Variants in ATRNL1 observed in about 807,000 individuals in gnomAD.
ATRNL1 encodes attractin-like protein 1.
A neutral mutation model predicts 182.7 loss-of-function variants in ATRNL1; 95 were observed. The observed-to-expected ratio is 0.52, with a 90% confidence interval of 0.44 to 0.62. The LOEUF (loss-of-function observed/expected upper bound fraction) is 0.62, where lower values mean the gene tolerates loss of function less well. Among genes scored for constraint, ATRNL1 ranks in the 20% least tolerant of loss-of-function variants. The pLI is 0.00. For synonymous variants in ATRNL1, 576 were observed against 568.3 expected (o/e 1.01, Z -0.19); for missense variants, 1,471 against 1,679.5 (o/e 0.88, Z 2.17).
intron 4 of ATRNL1, 105 bp from the exon 5 acceptor site, chr10:115,129,222 T>C (rs1845115295): frequency 1.4e-6 from 1 of 734,568 alleles, no homozygotes; most frequent in African/African-American, 1.8e-5. Flanking sequence ...GTTACATTTA[T>C]AAGCACATAG....
intron 8 of ATRNL1, among the ~76,000 whole-genome samples, chr10:115,198,078 T>A (rs1433680512): frequency 1.3e-5 from 2 of 152,124 alleles, no homozygotes; most frequent in African/African-American, 4.8e-5. Context: ...TACTTTTAAT[T>A]TTTAGGAGGC....
At chr10:115,355,864 C>A (rs1203343730) in intron 19 of ATRNL1, among the ~76,000 whole-genome samples, 1 of 151,778 alleles carries the variant, frequency 6.6e-6, no homozygotes, top group Non-Finnish European at 1.5e-5. Context: ...GTAGGCTTAT[C>A]TGATTTTCTT....
intron 27 of ATRNL1, among the ~76,000 whole-genome samples, chr10:115,768,890 AT>A (rs1555075663): frequency 6.6e-6 from 1 of 152,048 alleles, no homozygotes; most frequent in East Asian, 1.9e-4. Flanking sequence ...TATATAAATT[AT>A]TTTTATTATT....
chr10:115,326,612 G>A (rs1418148129), intron 18 of ATRNL1, among the ~76,000 whole-genome samples: 2 of 151,882 alleles, frequency 1.3e-5, no homozygotes, highest in African/African-American at 4.8e-5. Context: ...CCAAAAAAGA[G>A]CCCACATCGC....
intron 21 of ATRNL1, among the ~76,000 whole-genome samples, chr10:115,445,341 G>T (rs1481838081): frequency 7.4e-6 from 1 of 134,958 alleles, no homozygotes; most frequent in Non-Finnish European, 1.5e-5. Flanking sequence ...TGAGGCACAA[G>T]AATTGCTTGA....
intron 7 of ATRNL1, among the ~76,000 whole-genome samples, chr10:115,166,365 A>AT (rs1847040757): frequency 6.6e-6 from 1 of 151,970 alleles, no homozygotes; most frequent in African/African-American, 2.4e-5. Context: ...TTCTATGAAC[A>AT]TGTGTGTACA....
At chr10:115,545,714 C>A (rs1852615897) in intron 25 of ATRNL1, among the ~76,000 whole-genome samples, 1 of 152,164 alleles carries the variant, frequency 6.6e-6, no homozygotes, top group South Asian at 2.1e-4. Context: ...TATAAAAATA[C>A]ATTTTGGTAT....
At chr10:115,340,692 C>T (rs1227214533) in intron 19 of ATRNL1, among the ~76,000 whole-genome samples, 1 of 151,412 alleles carries the variant, frequency 6.6e-6, no homozygotes, top group African/African-American at 2.4e-5. Context: ...TTTATTATAC[C>T]TTCAATAACA....
chr10:115,594,212 A>G (rs1310779096), intron 26 of ATRNL1, among the ~76,000 whole-genome samples: 3 of 152,154 alleles, frequency 2.0e-5, no homozygotes, highest in Admixed American at 1.3e-4. Flanking sequence ...TCTAAGTACT[A>G]TAATCTATAC....
chr10:115,846,951 A>G (rs1253595735), intron 27 of ATRNL1, among the ~76,000 whole-genome samples: 1 of 152,118 alleles, frequency 6.6e-6, no homozygotes, highest in African/African-American at 2.4e-5. Context: ...AAGTCAATAT[A>G]TGTCATGCAC....
chr10:115,205,594 T>G (rs565002102), intron 8 of ATRNL1, among the ~76,000 whole-genome samples: 2 of 152,142 alleles, frequency 1.3e-5, no homozygotes, highest in South Asian at 4.1e-4. Context: ...TAGTATTCCA[T>G]TTTAATCTTA....
rs181599967 is a variant in ATRNL1 at position 115,643,847 on chromosome 10, G to A, written c.3796-83401G>A. ...TACCAGATGAGAACACAGAACTTCT[G>A]CAATTCCTGTGCCTTGCTGTTGGGA... On this transcript the variant is annotated intron_variant, in intron 26 of 28. Coordinates refer to ENST00000355044, the MANE Select transcript of ATRNL1 (RefSeq NM_207303.4). Among the ~76,000 whole-genome samples, 7 of 152,138 alleles carry A rather than the reference G, an allele frequency of 4.6e-5. No individual in the cohort carries two copies. In the East Asian group the frequency reaches 1.4e-3, roughly 29 times the overall value.
chr10:115,742,455 GA>G (rs1267038820), intron 27 of ATRNL1, among the ~76,000 whole-genome samples: 1 of 152,114 alleles, frequency 6.6e-6, no homozygotes, highest in African/African-American at 2.4e-5. Context: ...CGATAATTGA[GA>G]AGTAAGGTCA....
In ATRNL1 at chr10:115,160,083, G is replaced by C. The variant is rs782568241; in HGVS notation, c.873G>C (p.Trp291Cys). 6.2e-7 allele frequency: 1 copy of C among 1,611,806 alleles called. No individual in the cohort carries two copies. The highest frequency in any genetic ancestry group is 8.5e-7 in the Non-Finnish European group (1 of 1,178,942). ...ATGTTCCCTCTACTGAGTCTTACTG[G>C]ATTCTGCCAAACGTTAAACCCTTCA... ...SLNVPSTESY[W>C]ILPNVKPFSP... The change falls in exon 6 of 29, where the codon TGG (tryptophan) becomes TGC (cysteine). Residue 291 changes from tryptophan (W) to cysteine (C), a missense_variant. By Grantham distance (215) the Trp-to-Cys change is radical (BLOSUM62 -2). This residue lies in a region of ATRNL1 where 1,031 missense variants were observed against 1,156.0 expected (regional missense o/e 0.89). Transcript: ENST00000355044.
chr10:115,561,876 C>T (rs782820880), intron 26 of ATRNL1, among the ~76,000 whole-genome samples: 38 of 152,056 alleles, frequency 2.5e-4, no homozygotes, highest in Admixed American at 8.5e-4. Flanking sequence ...CCAATTATCA[C>T]CAAAATGTTG....
chr10:115,266,563 T>G (rs1278132999), intron 11 of ATRNL1, among the ~76,000 whole-genome samples: 3 of 151,686 alleles, frequency 2.0e-5, no homozygotes, highest in Non-Finnish European at 3.0e-5. Context: ...ATATTAAGAT[T>G]TATAGAATAT....
chr10:115,660,225 G>A (rs1860598379), intron 26 of ATRNL1, among the ~76,000 whole-genome samples: 1 of 152,082 alleles, frequency 6.6e-6, no homozygotes, highest in Non-Finnish European at 1.5e-5. Context: ...GTAATTTACT[G>A]GTATTTGGGG....
chr10:115,359,231 C>A (rs1442056341), intron 19 of ATRNL1, among the ~76,000 whole-genome samples: 1 of 151,474 alleles, frequency 6.6e-6, no homozygotes, highest in African/African-American at 2.4e-5. Context: ...GAATTTTTGT[C>A]TCATATGTTT....
intron 24 of ATRNL1, among the ~76,000 whole-genome samples, chr10:115,503,343 T>G (rs1446722452): frequency 6.6e-6 from 1 of 152,230 alleles, no homozygotes; most frequent in Non-Finnish European, 1.5e-5. Flanking sequence ...GAAAATATTT[T>G]CTTTAGAGCT....
Sources: gnomAD v4.1 joint callset for allele counts (sites outside exome capture counted in the v4.1 genomes callset) on GRCh38, gnomAD v4.1.1 for gene constraint, gnomAD v4.1.1 regional missense constraint, MANE v1.5 for transcripts, NCBI Gene and HGNC (gene_info 2026-07-23, HGNC 2026-07-21) for gene names.